OR8H1: variants seen among roughly 807,000 people sequenced by gnomAD.
OR8H1 encodes the protein olfactory receptor 8H1.
For synonymous variants in OR8H1, 135 were observed against 134.5 expected (o/e 1.00, Z -0.03); for missense variants, 388 against 374.1 (o/e 1.04, Z -0.31).
chr11:56,290,983 A>G lies in OR8H1; in HGVS notation c.80T>C (p.Leu27Pro). 6.2e-7 allele frequency: 1 copy of G among 1,614,118 alleles called. No homozygotes were observed. Among genetic ancestry groups the G allele is most frequent in the Non-Finnish European group, 8.5e-7 (1 of 1,179,982 alleles). Residue 27 changes from leucine (L) to proline (P), a missense_variant, in exon 2 of 2, where the codon CTC (leucine) becomes CCC (proline). Coordinates refer to ENST00000641600, the MANE Select transcript of OR8H1 (RefSeq NM_001005199.2). ...LSDSEEVQMA[L>P]FILFLLIYLI... ...GTATATCAGGAGAAATAGTATAAAGAGGGCCATCTGGACCTCTTCAGAATC... is the reference window on the plus strand; with the variant it reads ...GTATATCAGGAGAAATAGTATAAAGGGGGCCATCTGGACCTCTTCAGAATC...
At position 56,290,540 on chromosome 11, in the gene OR8H1, G is replaced by A. The variant is rs1287125556; in HGVS notation, c.523C>T (p.His175Tyr). The part of the protein sequence containing the change: ...LHFCDSNVVR[H>Y]FFCDTSPILA... ...ATTGGAGACGTGTCGCAGAAAAAGT[G>A]ACGAACTACATTTGAGTCGCAGAAA... is the stretch of plus-strand genomic sequence containing the variant. The change falls in exon 2 of 2, where the codon CAC becomes TAC. Residue 175 changes from histidine to tyrosine, a missense_variant. Physicochemically the swap from His to Tyr is moderately conservative, Grantham distance 83 (BLOSUM62 2). Transcript: ENST00000641600. The A allele has an allele frequency of 1.2e-6, 2 of 1,614,166 alleles. No individual in the cohort carries two copies. The highest frequency in any genetic ancestry group is 1.7e-6 in the Non-Finnish European group (2 of 1,180,036).
At chr11:56,291,812 A>G (rs896913599) in intron 1 of OR8H1, 139 bp downstream of exon 1, 2 of 152,128 alleles carry the variant, frequency 1.3e-5, no homozygotes, top group Non-Finnish European at 2.9e-5. Flanking sequence ...GATTCCATCA[A>G]CTCTACATAT....
Position 56,290,554 on chromosome 11 carries a change from GAGTCGCAGAA to G in OR8H1, c.499_508del (p.Phe167GlnfsTer3), listed in dbSNP as rs1443751388. On this transcript the variant is annotated frameshift_variant, in exon 2 of 2. Coordinates refer to ENST00000641600, the MANE Select transcript of OR8H1 (RefSeq NM_001005199.2). LOFTEE classifies it low-confidence loss of function (END_TRUNC). ...GCAGAAAAAGTGACGAACTACATTT[GAGTCGCAGAA>G]ATGCAGTCTGCTCATCCAAACCACA... 1.2e-6 allele frequency: 2 copies of G among 1,614,046 alleles called. No homozygotes were observed. Among genetic ancestry groups the G allele is most frequent in the African/African-American group, 1.3e-5 (1 of 74,918 alleles).
chr11:56,291,118 A>C, intron 1 of OR8H1, 34 bp from the exon 2 acceptor site: 3 of 1,247,840 alleles, frequency 2.4e-6, no homozygotes, highest in Non-Finnish European at 3.4e-6. Context: ...AACATGAATG[A>C]CTTCAAAAGG....
intron 1 of OR8H1, among the ~76,000 whole-genome samples, chr11:56,291,389 T>C (rs563681041): frequency 5.9e-5 from 9 of 152,262 alleles, no homozygotes; most frequent in Non-Finnish European, 1.2e-4. Context: ...TATCGACATA[T>C]TTTAGCCGAG....
Position 56,291,055 on chromosome 11 carries a change from C to T in OR8H1, c.8G>A (p.Arg3Lys), listed in dbSNP as rs1325174578. MG[R>K]RNNTNVPDFI... ...GTCAGGCACATTTGTGTTATTTCTT[C>T]TACCCATGATGTTCAATTGCTTTAA... The change falls in exon 2 of 2, where the codon AGA (arginine) becomes AAA (lysine). Residue 3 changes from arginine (R) to lysine (K), a missense_variant. Transcript: ENST00000641600. 1 of 1,587,614 alleles carries T rather than the reference C, an allele frequency of 6.3e-7. No homozygotes were observed. The highest frequency in any genetic ancestry group is 1.2e-5 in the South Asian group (1 of 86,506).
rs754102841 is a variant in OR8H1, at chr11:56,290,487, G to T, written c.576C>A (p.Tyr192Ter). ...AAATGTGTATCATGATTTCAATGTC[G>T]TATGTGTCCATGCAGGACAGAGCTA... The part of the protein sequence containing the change: ...PILALSCMDT[Y>*]DIEIMIHILA... The change falls in exon 2 of 2, where the codon TAC (tyrosine) becomes TAA (stop). Residue 192 changes from tyrosine to a stop codon, truncating the protein, a stop_gained. Transcript: ENST00000641600. LOFTEE classifies it low-confidence loss of function (END_TRUNC). 1 of 1,614,060 alleles carries T rather than the reference G, an allele frequency of 6.2e-7. No individual in the cohort carries two copies. Among genetic ancestry groups the T allele is most frequent in the Admixed American group, 1.7e-5 (1 of 60,016 alleles).
rs1176313523 is a variant in OR8H1, at chr11:56,290,907, G to A, written c.156C>T (p.Asp52=). The A allele has an allele frequency of 6.2e-7, 1 of 1,614,022 alleles. No individual in the cohort carries two copies. Among genetic ancestry groups the A allele is most frequent in the East Asian group, 2.2e-5 (1 of 44,882 alleles). The change falls in exon 2 of 2, where the codon GAC becomes GAT. Residue 52 remains aspartate (D), a synonymous_variant. Coordinates refer to ENST00000641600, the MANE Select transcript of OR8H1 (RefSeq NM_001005199.2). ...AATACATGGGAGTGTGAAGCTGGAG[G>A]TCCAGGCGGATTATCAATATCATCC... ...NVGMILIIRL[D]LQLHTPMYFF...
In OR8H1 at chr11:56,289,993, T is replaced by C; in HGVS notation, c.*134A>G. 1.3e-6 allele frequency: 1 copy of C among 797,000 alleles called. No individual in the cohort carries two copies. Among genetic ancestry groups the C allele is most frequent in the African/African-American group, 1.7e-5 (1 of 58,798 alleles). 49.4% of individuals were successfully genotyped at this position (797,000 alleles called of 1,614,324 possible). ...ACCTTGAAATGTTCAAGATCACGTT[T>C]AGTCAAGCAAAGGTTAGCACAACAG... On this transcript the variant is annotated 3_prime_UTR_variant, in exon 2 of 2. Transcript: ENST00000641600.
intron 1 of OR8H1, 76 bp downstream of exon 1, chr11:56,291,875 A>G (rs1420853035): frequency 2.0e-5 from 3 of 152,172 alleles, no homozygotes; most frequent in Non-Finnish European, 4.4e-5. Flanking sequence ...TGACATGTAT[A>G]TGTATATTCT....
rs935420763 is a variant in OR8H1, at chr11:56,290,731, C to T, written c.332G>A (p.Cys111Tyr). 1.2e-6 allele frequency: 2 copies of T among 1,614,092 alleles called. No homozygotes were observed. The highest frequency in any genetic ancestry group is 1.7e-6 in the Non-Finnish European group (2 of 1,180,010). Residue 111 changes from cysteine (C) to tyrosine (Y), a missense_variant, in exon 2 of 2, where the codon TGT becomes TAT. Transcript: ENST00000641600. ...ATAGGCCATTGATGAGAGAAGAAAACATTCAGCAGCTCCCAAGAAGACAAA... is the reference window on the plus strand; with the variant it reads ...ATAGGCCATTGATGAGAGAAGAAAATATTCAGCAGCTCCCAAGAAGACAAA... ...FFFVFLGAAE[C>Y]FLLSSMAYDR...
chr11:56,290,088 A>C lies in OR8H1; in HGVS notation c.*39T>G. On this transcript the variant is annotated 3_prime_UTR_variant, in exon 2 of 2. Coordinates refer to ENST00000641600, the MANE Select transcript of OR8H1 (RefSeq NM_001005199.2). ...GGACATACCAAATAGAAAAGAAAGA[A>C]AAGATGAGTTTAAATGTTCAGCATT... 1 of 1,473,078 alleles carries C rather than the reference A, an allele frequency of 6.8e-7. No homozygotes were observed. The highest frequency in any genetic ancestry group is 9.5e-7 in the Non-Finnish European group (1 of 1,051,496). The allele number at this position is 1,473,078 out of a possible 1,614,324, so 91.3% of individuals were successfully genotyped here.
At position 56,290,791 on chromosome 11, in the gene OR8H1, A is replaced by G. The variant is rs559767960; in HGVS notation, c.272T>C (p.Ile91Thr). 4.3e-6 allele frequency: 7 copies of G among 1,614,182 alleles called. No homozygotes were observed. In the East Asian group the frequency reaches 1.3e-4, roughly 31 times the overall value. ...TLANLLTSNY[I>T]SFMGCFAQMF... is the part of the protein sequence containing the mutation. Reference sequence around the variant, plus strand: ...CTGGGCAAAGCAGCCCATGAAGGAAATATAGTTGGAAGTCAGTAAGTTCGC... The same window carrying G: ...CTGGGCAAAGCAGCCCATGAAGGAAGTATAGTTGGAAGTCAGTAAGTTCGC... Residue 91 changes from isoleucine to threonine, a missense_variant, in exon 2 of 2, where the codon ATT becomes ACT. By Grantham distance (89) the Ile-to-Thr change is moderately conservative. Coordinates refer to ENST00000641600, the MANE Select transcript of OR8H1 (RefSeq NM_001005199.2).
In OR8H1 at chr11:56,288,901, A is replaced by T. The variant is rs2134833303; in HGVS notation, c.*1226T>A. The T allele has an allele frequency of 6.6e-6, 1 of 152,224 alleles. No homozygotes were observed. Among genetic ancestry groups the T allele is most frequent in the East Asian group, 1.9e-4 (1 of 5,192 alleles). The allele number at this position is 152,224 out of a possible 1,614,324, so 9.4% of individuals were successfully genotyped here. On this transcript the variant is annotated 3_prime_UTR_variant, in exon 2 of 2. Coordinates refer to ENST00000641600, the MANE Select transcript of OR8H1 (RefSeq NM_001005199.2). The stretch of plus-strand genomic sequence containing the variant: ...CAAAAGAATGGCTATGCCATAAGCA[A>T]AACAGCCAAAACTCAATATTTTGAG...
At position 56,290,924 on chromosome 11, in the gene OR8H1, A is replaced by G. The variant is rs756876608; in HGVS notation, c.139T>C (p.Leu47=). 6.8e-6 allele frequency: 11 copies of G among 1,614,194 alleles called. No individual in the cohort carries two copies. The highest frequency in any genetic ancestry group is 9.3e-6 in the Non-Finnish European group (11 of 1,180,018). The change falls in exon 2 of 2, where the codon TTG becomes CTG. Residue 47 remains leucine (L), a synonymous_variant. Transcript: ENST00000641600. ...AGCTGGAGGTCCAGGCGGATTATCA[A>G]TATCATCCCCACATTGCCCAGCATA... is the stretch of plus-strand genomic sequence containing the variant. ...ITMLGNVGMI[L]IIRLDLQLHT... is the part of the protein sequence containing the mutation.
rs753468820 is a variant in OR8H1, at chr11:56,290,917, A to G, written c.146T>C (p.Ile49Thr). The change falls in exon 2 of 2, where the codon ATC (isoleucine) becomes ACC (threonine). Residue 49 changes from isoleucine to threonine, a missense_variant. Physicochemically the swap from Ile to Thr is moderately conservative, Grantham distance 89. Transcript: ENST00000641600. The stretch of plus-strand genomic sequence containing the variant: ...AGTGTGAAGCTGGAGGTCCAGGCGG[A>G]TTATCAATATCATCCCCACATTGCC... ...MLGNVGMILI[I>T]RLDLQLHTPM... 2.5e-6 allele frequency: 4 copies of G among 1,614,204 alleles called. No homozygotes were observed. The highest frequency in any genetic ancestry group is 2.5e-6 in the Non-Finnish European group (3 of 1,180,040).
In OR8H1 at chr11:56,289,327, C is replaced by T. The variant is rs1367917820; in HGVS notation, c.*800G>A. On this transcript the variant is annotated 3_prime_UTR_variant, in exon 2 of 2. Coordinates refer to ENST00000641600, the MANE Select transcript of OR8H1 (RefSeq NM_001005199.2). The stretch of plus-strand genomic sequence containing the variant: ...CTGGGTTGTATAGCTGAAAATGTAG[C>T]ATATTTAGAATCTAACTCTTGGAAA... 6.6e-6 allele frequency: 1 copy of T among 152,090 alleles called. No individual in the cohort carries two copies. Among genetic ancestry groups the T allele is most frequent in the Admixed American group, 6.6e-5 (1 of 15,264 alleles). The allele number at this position is 152,090 out of a possible 1,614,324, so 9.4% of individuals were successfully genotyped here.
rs552920118 is a variant in OR8H1 at position 56,291,242 on chromosome 11, T to G, written c.-22-158A>C. Among the ~76,000 whole-genome samples the G allele has an allele frequency of 3.3e-5, 5 of 152,342 alleles. No homozygotes were observed. In the East Asian group the frequency reaches 9.6e-4, roughly 29 times the overall value. ...ATTATATTGCCAATGTAGATAAAAG[T>G]GTAAATTAACATTTAGATGTGATAT... On this transcript the variant is annotated intron_variant, in intron 1 of 1. Transcript: ENST00000641600.
intron 1 of OR8H1, 65 bp from the exon 2 acceptor site, chr11:56,291,149 T>C: frequency 2.2e-6 from 2 of 911,264 alleles, no homozygotes; most frequent in South Asian, 3.4e-5. Context: ...TACAATAACC[T>C]AGCATTTAAT....
Sources: allele counts gnomAD v4.1 joint callset (sites outside exome capture counted in the v4.1 genomes callset), GRCh38; gene constraint gnomAD v4.1.1; transcripts MANE v1.5; gene names NCBI Gene and HGNC (gene_info 2026-07-23, HGNC 2026-07-21).